RAD51B: variants seen among roughly 807,000 people sequenced by gnomAD.
The protein encoded by RAD51B is RAD51 paralog B.
Under a neutral mutation model 42.2 loss-of-function variants are expected in RAD51B, and 38 were observed. The ratio of observed to expected loss-of-function variants is 0.90; its 90% CI spans 0.70 to 1.18. The LOEUF (loss-of-function observed/expected upper bound fraction) is 1.18, where lower values mean the gene tolerates loss of function less well. Among genes scored for constraint, RAD51B ranks in the 50% most tolerant of loss-of-function variants. The probability of loss-of-function intolerance (pLI) is 0.00; values close to 1 mark genes in which losing one functional copy is unlikely to be tolerated. For missense variants in RAD51B, 373 were observed against 400.7 expected (o/e 0.93, Z 0.59); for synonymous variants, 154 against 145.2 (o/e 1.06, Z -0.43).
intron 7 of RAD51B, among the ~76,000 whole-genome samples, chr14:68,220,133 A>G (rs2079895466): frequency 6.6e-6 from 1 of 152,222 alleles, no homozygotes; most frequent in African/African-American, 2.4e-5. Flanking sequence ...ATCAAAGTCA[A>G]AGAAAAAAGA....
At chr14:68,460,758 T>C (rs986139448) in intron 9 of RAD51B, among the ~76,000 whole-genome samples, 1 of 152,192 alleles carries the variant, frequency 6.6e-6, no homozygotes. Context: ...TGTGATGCTA[T>C]AGCAAGCTGA....
chr14:68,344,326 C>T (rs745737116), intron 8 of RAD51B, among the ~76,000 whole-genome samples: 12 of 152,240 alleles, frequency 7.9e-5, no homozygotes, highest in Admixed American at 1.3e-4. Flanking sequence ...GACATGGAGT[C>T]AAAGATGATT....
intron 10 of RAD51B, among the ~76,000 whole-genome samples, chr14:68,544,755 G>T (rs1428769411): frequency 6.6e-6 from 1 of 152,100 alleles, no homozygotes; most frequent in African/African-American, 2.4e-5. Flanking sequence ...CTGAGAGCAG[G>T]CATCAAGCCT....
intron 4 of RAD51B, among the ~76,000 whole-genome samples, chr14:67,844,776 C>G (rs1382485792): frequency 2.0e-5 from 3 of 152,078 alleles, no homozygotes; most frequent in South Asian, 2.1e-4. Context: ...CCGCTCCCCC[C>G]ACCCCACAAC....
Position 68,354,047 on chromosome 14 carries a change from C to T in RAD51B, c.854-57377C>T, listed in dbSNP as rs536515958. 9.2e-5 allele frequency among the ~76,000 whole-genome samples: 14 copies of T among 152,160 alleles called. No individual in the cohort carries two copies. In the South Asian group the frequency reaches 2.5e-3, roughly 27 times the overall value. ...AACAAAGACATTTTAGAACTGTTGA[C>T]GATAGCAATGTTTTCTCGACAAAGA... is the stretch of plus-strand genomic sequence containing the variant. On this transcript the variant is annotated intron_variant, in intron 8 of 10. Coordinates refer to ENST00000471583, the MANE Select transcript of RAD51B (RefSeq NM_133510.4).
At chr14:68,285,188 A>G (rs1454077584) in intron 7 of RAD51B, among the ~76,000 whole-genome samples, 7 of 152,186 alleles carry the variant, frequency 4.6e-5, no homozygotes, top group Admixed American at 2.6e-4. Flanking sequence ...TTCTCACAGG[A>G]AAGTTCCGGT....
intron 7 of RAD51B, among the ~76,000 whole-genome samples, chr14:67,930,917 C>T (rs1470623816): frequency 6.4e-5 from 9 of 140,526 alleles, no homozygotes; most frequent in African/African-American, 8.0e-5. Flanking sequence ...TGGGTTATTT[C>T]TTTTTTTTTT....
chr14:68,442,435 CTTT>C (rs774360651), intron 9 of RAD51B, among the ~76,000 whole-genome samples: 2 of 68,406 alleles, frequency 2.9e-5, no homozygotes, highest in East Asian at 4.8e-4. Flanking sequence ...AGGCATTGTG[CTTT>C]TTTTTTTTTT....
intron 10 of RAD51B, among the ~76,000 whole-genome samples, chr14:68,513,982 G>A (rs973979727): frequency 6.6e-6 from 1 of 152,130 alleles, no homozygotes; most frequent in Non-Finnish European, 1.5e-5. Flanking sequence ...AGCAATCCAC[G>A]AGAACTGAAC....
chr14:67,832,352 G>C (rs1001634434), intron 3 of RAD51B, among the ~76,000 whole-genome samples: 4 of 152,120 alleles, frequency 2.6e-5, no homozygotes, highest in Non-Finnish European at 4.4e-5. Context: ...ATTGTATATA[G>C]TATACATGCC....
At position 68,029,552 on chromosome 14, in the gene RAD51B, C is replaced by T. The variant is rs1056758165; in HGVS notation, c.756+142348C>T. 6.6e-5 allele frequency among the ~76,000 whole-genome samples: 10 copies of T among 152,320 alleles called. No individual in the cohort carries two copies. In the East Asian group the frequency reaches 1.2e-3, roughly 18 times the overall value. On this transcript the variant is annotated intron_variant, in intron 7 of 10. Transcript: ENST00000471583. ...TATGGTGAGATTGCAACAATTCAAT[C>T]GTATCTTCAGGCTCTACTTCTCATT...
chr14:68,092,561 C>T (rs1375896330), intron 7 of RAD51B, among the ~76,000 whole-genome samples: 1 of 152,188 alleles, frequency 6.6e-6, no homozygotes, highest in Non-Finnish European at 1.5e-5. Context: ...TATCCTGAGA[C>T]TTTGCTGAAG....
At chr14:68,005,693 CTT>C (rs1198287983) in intron 7 of RAD51B, among the ~76,000 whole-genome samples, 1 of 152,046 alleles carries the variant, frequency 6.6e-6, no homozygotes, top group Admixed American at 6.6e-5. Context: ...ACATTAAACA[CTT>C]TTTTCATATA....
At chr14:68,186,116 G>T (rs1189860799) in intron 7 of RAD51B, among the ~76,000 whole-genome samples, 2 of 152,168 alleles carry the variant, frequency 1.3e-5, no homozygotes, top group Admixed American at 6.5e-5. Context: ...ATGGGGAAAG[G>T]ACTCACTGGT....
chr14:67,951,583 A>G (rs1270098625), intron 7 of RAD51B, among the ~76,000 whole-genome samples: 3 of 152,296 alleles, frequency 2.0e-5, no homozygotes, highest in Admixed American at 6.5e-5. Context: ...TTTTTTGATT[A>G]TATGATCCCA....
At chr14:68,308,430 A>G (rs2081909530) in intron 8 of RAD51B, among the ~76,000 whole-genome samples, 1 of 152,180 alleles carries the variant, frequency 6.6e-6, no homozygotes, top group Non-Finnish European at 1.5e-5. Context: ...CTGCAATCTT[A>G]AAGCTGCCAA....
intron 7 of RAD51B, among the ~76,000 whole-genome samples, chr14:68,186,549 G>A (rs552297684): frequency 6.6e-6 from 1 of 152,156 alleles, no homozygotes; most frequent in African/African-American, 2.4e-5. Flanking sequence ...TAAAAGATGG[G>A]CAAAAGACAT....
chr14:68,080,954 C>G (rs1044121083), intron 7 of RAD51B, among the ~76,000 whole-genome samples: 3 of 152,118 alleles, frequency 2.0e-5, no homozygotes, highest in Non-Finnish European at 4.4e-5. Context: ...AAAGTAATGC[C>G]TAACAATTTA....
At chr14:68,512,835 G>A (rs1169815643) in intron 10 of RAD51B, among the ~76,000 whole-genome samples, 2 of 152,078 alleles carry the variant, frequency 1.3e-5, no homozygotes, top group Non-Finnish European at 2.9e-5. Flanking sequence ...AGTGAGGGGT[G>A]CACTATTTTA....
Sources: allele counts gnomAD v4.1 joint callset (sites outside exome capture counted in the v4.1 genomes callset), GRCh38; gene constraint gnomAD v4.1.1; transcripts MANE v1.5; gene names NCBI Gene and HGNC (gene_info 2026-07-23, HGNC 2026-07-21).